Variants in HMGCLL1 observed in about 807,000 individuals in gnomAD.
HMGCLL1 encodes 3-hydroxymethyl-3-methylglutaryl-CoA lyase, cytoplasmic.
Under a neutral mutation model 39.1 loss-of-function variants are expected in HMGCLL1, and 36 were observed. The observed-to-expected ratio is 0.92, with a 90% CI of 0.71 to 1.22. The LOEUF (loss-of-function observed/expected upper bound fraction) is 1.22. Among genes scored for constraint, HMGCLL1 ranks in the 50% most tolerant of loss-of-function variants. HMGCLL1 has a pLI of 0.00. For synonymous variants in HMGCLL1, 149 were observed against 144.0 expected, an observed-to-expected ratio of 1.03 and a Z score of -0.25; for missense variants, 451 against 416.5, an observed-to-expected ratio of 1.08 and a Z score of -0.72.
intron 1 of HMGCLL1, chr6:55,566,419 T>C (rs1048517198): frequency 7.4e-6 from 2 of 270,984 alleles, no homozygotes; most frequent in Non-Finnish European, 1.5e-5. Flanking sequence ...TGAAGTTTTC[T>C]GCCATCTGTA....
intron 7 of HMGCLL1, among the ~76,000 whole-genome samples, chr6:55,491,622 G>C (rs894636280): frequency 1.1e-4 from 17 of 152,294 alleles, no homozygotes; most frequent in African/African-American, 4.1e-4. Flanking sequence ...GAGAAAAATA[G>C]AGGCTGAGAA....
the HMGCLL1 span, among the ~76,000 whole-genome samples, chr6:55,647,189 A>T: frequency 2.6e-5 from 4 of 151,954 alleles, no homozygotes; most frequent in East Asian, 7.8e-4. Context: ...TTTTCTTGAA[A>T]TCTATTTTGT....
chr6:55,497,171 G>T (rs900684471), intron 6 of HMGCLL1, among the ~76,000 whole-genome samples: 1 of 152,074 alleles, frequency 6.6e-6, no homozygotes, highest in Non-Finnish European at 1.5e-5. Flanking sequence ...AATCAGAGAG[G>T]TCTGAATTTA....
At chr6:55,541,109 G>A (rs753589162) in intron 3 of HMGCLL1, among the ~76,000 whole-genome samples, 17 of 152,094 alleles carry the variant, frequency 1.1e-4, no homozygotes, top group Non-Finnish European at 2.4e-4. Flanking sequence ...TTTACTGGTT[G>A]CTAATTACTA....
At chr6:55,672,725 C>A in the HMGCLL1 span, among the ~76,000 whole-genome samples, 1 of 151,816 alleles carries the variant, frequency 6.6e-6, no homozygotes, top group African/African-American at 2.4e-5. Context: ...TATGTAATTG[C>A]AAAATACTAT....
At chr6:55,513,779 G>A (rs1767589313) in intron 5 of HMGCLL1, 1 of 465,982 alleles carries the variant, frequency 2.1e-6, no homozygotes. Flanking sequence ...GGGTGCTAGA[G>A]TGTTAATAAA....
At chr6:55,562,442 G>A (rs917839548) in intron 1 of HMGCLL1, among the ~76,000 whole-genome samples, 7 of 151,930 alleles carry the variant, frequency 4.6e-5, no homozygotes, top group East Asian at 1.9e-4. Flanking sequence ...TATTTTTAAC[G>A]CTGAGTACTT....
At chr6:55,436,113 A>C (rs191380547) in intron 8 of HMGCLL1, among the ~76,000 whole-genome samples, 1 of 152,106 alleles carries the variant, frequency 6.6e-6, no homozygotes, top group Non-Finnish European at 1.5e-5. Flanking sequence ...CAATCAAAAT[A>C]ATGTTTTGGA....
the HMGCLL1 span, among the ~76,000 whole-genome samples, chr6:55,627,905 TATACTATATATATATAATATATATAC>T: frequency 4.3e-5 from 1 of 23,006 alleles, no homozygotes; most frequent in Non-Finnish European, 6.8e-5. Flanking sequence ...ATATAGTATA[TATACTATATATATATAATATATATAC>T]TATATATATA....
chr6:55,614,645 T>C, the HMGCLL1 span, among the ~76,000 whole-genome samples: 2 of 152,192 alleles, frequency 1.3e-5, no homozygotes, highest in Non-Finnish European at 2.9e-5. Context: ...GATGTCAAGA[T>C]ATCTGTAACA....
At chr6:55,530,710 A>G (rs1046305419) in intron 3 of HMGCLL1, among the ~76,000 whole-genome samples, 1 of 152,158 alleles carries the variant, frequency 6.6e-6, no homozygotes, top group African/African-American at 2.4e-5. Context: ...TTCGGGATAC[A>G]ATATTACTTT....
At chr6:55,660,377 A>G in the HMGCLL1 span, among the ~76,000 whole-genome samples, 1 of 150,668 alleles carries the variant, frequency 6.6e-6, no homozygotes, top group South Asian at 2.1e-4. Context: ...CCCACCTTCC[A>G]CTCGCAATTA....
chr6:55,665,695 C>T, the HMGCLL1 span, among the ~76,000 whole-genome samples: 2 of 151,798 alleles, frequency 1.3e-5, no homozygotes, highest in South Asian at 4.2e-4. Context: ...AACATTACTG[C>T]AAAGTCATCT....
the HMGCLL1 span, among the ~76,000 whole-genome samples, chr6:55,656,440 G>C: frequency 6.6e-6 from 1 of 151,806 alleles, no homozygotes; most frequent in Non-Finnish European, 1.5e-5. Flanking sequence ...CAGTTATGTG[G>C]GGCATATAAC....
chr6:55,487,151 C>CA (rs1373163505), intron 7 of HMGCLL1, among the ~76,000 whole-genome samples: 2 of 151,994 alleles, frequency 1.3e-5, no homozygotes, highest in Non-Finnish European at 2.9e-5. Context: ...AACACTATTC[C>CA]AACAGTGTTC....
At position 55,579,161 on chromosome 6, in the gene HMGCLL1, T is replaced by G; in HGVS notation, c.-106A>C. 1 of 827,166 alleles carries G rather than the reference T, an allele frequency of 1.2e-6. No homozygotes were observed. Among genetic ancestry groups the G allele is most frequent in the Non-Finnish European group, 2.0e-6 (1 of 503,704 alleles). The allele number at this position is 827,166 out of a possible 1,614,324, so 51.2% of individuals were successfully genotyped here. ...CCAGCTCGGGAGCGCGCCCCTCCGG[T>G]GCACTGGCTGTGAGGACCAGAGCTG... On this transcript the variant is annotated 5_prime_UTR_variant, in exon 1 of 9. Transcript: ENST00000274901.
intron 7 of HMGCLL1, among the ~76,000 whole-genome samples, chr6:55,442,052 A>G (rs1763621332): frequency 6.6e-6 from 1 of 152,112 alleles, no homozygotes; most frequent in South Asian, 2.1e-4. Flanking sequence ...AGAAGACCAC[A>G]GAGGTAAAGT....
At chr6:55,492,044 C>T (rs1766336427) in intron 7 of HMGCLL1, among the ~76,000 whole-genome samples, 1 of 152,046 alleles carries the variant, frequency 6.6e-6, no homozygotes, top group Non-Finnish European at 1.5e-5. Context: ...TCATTTGTTT[C>T]CTATCATTGT....
At chr6:55,545,621 A>G (rs566377017) in intron 1 of HMGCLL1, among the ~76,000 whole-genome samples, 2 of 152,276 alleles carry the variant, frequency 1.3e-5, no homozygotes, top group Admixed American at 1.3e-4. Context: ...GTCCAATTAT[A>G]TATAAGTGTA....
Sources: gnomAD v4.1 joint callset for allele counts (sites outside exome capture counted in the v4.1 genomes callset) on GRCh38, gnomAD v4.1.1 for gene constraint, MANE v1.5 for transcripts, NCBI Gene and HGNC (gene_info 2026-07-23, HGNC 2026-07-21) for gene names.